The following OSBPL1A variants were observed in gnomAD, a reference collection of about 807,000 sequenced individuals.
The protein encoded by OSBPL1A is oxysterol-binding protein-related protein 1.
In OSBPL1A, 80 loss-of-function variants were observed where a neutral mutation model predicts 137.1. That is an observed-to-expected ratio of 0.58 (90% CI 0.49 to 0.70). OSBPL1A has a LOEUF of 0.70. Among genes scored for constraint, OSBPL1A ranks in the 30% least tolerant of loss-of-function variants. The probability of loss-of-function intolerance (pLI) is 0.00; values close to 1 mark genes in which losing one functional copy is unlikely to be tolerated. For missense variants in OSBPL1A, 970 were observed against 1,129.4 expected, an observed-to-expected ratio of 0.86 and a Z score of 2.02; for synonymous variants, 365 against 389.7, an observed-to-expected ratio of 0.94 and a Z score of 0.75.
rs140057627 is a variant in OSBPL1A, at chr18:24,360,535, A to C, written c.282+6357T>G. ...TTAATTTTAATGTTTCCTACATAAC[A>C]CAATCATGTAACTTCAGCTAAATGT... On this transcript the variant is annotated intron_variant, in intron 4 of 27. Coordinates refer to ENST00000319481, the MANE Select transcript of OSBPL1A (RefSeq NM_080597.4). 2.3e-3 allele frequency among the ~76,000 whole-genome samples: 345 copies of C among 152,356 alleles called. 1 individual carries two copies. The highest frequency in any genetic ancestry group is 8.1e-3 in the African/African-American group (335 of 41,588).
In OSBPL1A at chr18:24,176,929, T is replaced by C. The variant is rs2086464210; in HGVS notation, c.2093+1084A>G. ...CTCTTTGTGGTTTCCCCAACACTCTTAGACACCAGGGGGCGCTTTCTCTCC... is the reference window on the plus strand; with the variant it reads ...CTCTTTGTGGTTTCCCCAACACTCTCAGACACCAGGGGGCGCTTTCTCTCC... On this transcript the variant is annotated intron_variant, in intron 21 of 27. Coordinates refer to ENST00000319481, the MANE Select transcript of OSBPL1A (RefSeq NM_080597.4). Among the ~76,000 whole-genome samples, 7 of 152,322 alleles carry C rather than the reference T, an allele frequency of 4.6e-5. No homozygotes were observed. In the South Asian group the frequency reaches 1.4e-3, roughly 32 times the overall value.
intron 5 of OSBPL1A, among the ~76,000 whole-genome samples, chr18:24,334,637 G>A (rs1313285353): frequency 6.6e-6 from 1 of 152,136 alleles, no homozygotes; most frequent in Non-Finnish European, 1.5e-5. Context: ...TGGAAAGGTA[G>A]GTAAGTGGGG....
intron 4 of OSBPL1A, among the ~76,000 whole-genome samples, chr18:24,350,052 C>A (rs1456780031): frequency 6.6e-6 from 1 of 152,158 alleles, no homozygotes; most frequent in Non-Finnish European, 1.5e-5. Context: ...CATCTGACCC[C>A]GAACATTTTT....
chr18:24,317,243 A>C, intron 10 of OSBPL1A, 31 bp from the exon 11 acceptor site: 1 of 1,612,262 alleles, frequency 6.2e-7, no homozygotes, highest in South Asian at 1.1e-5. Context: ...TATCAAGACA[A>C]AAGGAAAAGA....
intron 7 of OSBPL1A, among the ~76,000 whole-genome samples, chr18:24,322,618 T>A (rs2090887411): frequency 6.6e-6 from 1 of 152,212 alleles, no homozygotes. Context: ...CTGTGTTATT[T>A]TCATTCTACC....
intron 7 of OSBPL1A, among the ~76,000 whole-genome samples, chr18:24,325,455 C>A (rs967640888): frequency 1.3e-5 from 2 of 152,210 alleles, no homozygotes; most frequent in African/African-American, 4.8e-5. Flanking sequence ...TTTCCATTTT[C>A]CTTGAATGCT....
intron 21 of OSBPL1A, among the ~76,000 whole-genome samples, chr18:24,174,512 C>T (rs2145914388): frequency 6.6e-6 from 1 of 152,252 alleles, no homozygotes; most frequent in Non-Finnish European, 1.5e-5. Context: ...AGGTATATTG[C>T]AAATATTACA....
In OSBPL1A at chr18:24,393,489, G is replaced by A. The variant is rs143251358; in HGVS notation, c.-3+4166C>T. 3.6e-3 allele frequency among the ~76,000 whole-genome samples: 548 copies of A among 152,154 alleles called. 2 individuals are homozygous for A. Among genetic ancestry groups the A allele is most frequent in the African/African-American group, 0.013 (534 of 41,516 alleles). On this transcript the variant is annotated intron_variant, in intron 1 of 27. Transcript: ENST00000319481. ...TTTTTTTGAGACGGAGTCTCGCTCT[G>A]TCGCCTAGGCTGGAGTGCAGTGGCA... is the stretch of plus-strand genomic sequence containing the variant.
intron 1 of OSBPL1A, among the ~76,000 whole-genome samples, chr18:24,379,519 C>CAAAAAAAAAAAA (rs1401150889): frequency 1.2e-5 from 1 of 81,690 alleles, no homozygotes. Context: ...GACTTGGTCT[C>CAAAAAAAAAAAA]AAAAAAAAAA....
intron 1 of OSBPL1A, among the ~76,000 whole-genome samples, chr18:24,381,400 A>G (rs1042982999): frequency 5.9e-5 from 9 of 152,204 alleles, no homozygotes; most frequent in African/African-American, 2.2e-4. Flanking sequence ...CGGATTTTAC[A>G]AGGAAGTGCA....
At chr18:24,242,850 T>C (rs1216580892) in intron 15 of OSBPL1A, among the ~76,000 whole-genome samples, 1 of 152,190 alleles carries the variant, frequency 6.6e-6, no homozygotes, top group Non-Finnish European at 1.5e-5. Context: ...TGAAAAATAC[T>C]TGCAAATATT....
At chr18:24,376,010 CAGTG>C (rs1282086713) in intron 2 of OSBPL1A, among the ~76,000 whole-genome samples, 1 of 152,144 alleles carries the variant, frequency 6.6e-6, no homozygotes, top group African/African-American at 2.4e-5. Flanking sequence ...CAGACCTTCG[CAGTG>C]AGTGTTACAG....
At chr18:24,345,508 G>A (rs539875751) in intron 4 of OSBPL1A, among the ~76,000 whole-genome samples, 4 of 152,144 alleles carry the variant, frequency 2.6e-5, no homozygotes, top group African/African-American at 9.6e-5. Context: ...CCAACATGGC[G>A]AAACCCGTCT....
intron 18 of OSBPL1A, among the ~76,000 whole-genome samples, chr18:24,182,611 A>G (rs1391999753): frequency 6.6e-6 from 1 of 152,246 alleles, no homozygotes; most frequent in Non-Finnish European, 1.5e-5. Flanking sequence ...ATCAAAGAAA[A>G]TAAGCTCATT....
intron 27 of OSBPL1A, among the ~76,000 whole-genome samples, chr18:24,164,820 C>T (rs1460845445): frequency 2.0e-5 from 3 of 152,218 alleles, no homozygotes; most frequent in African/African-American, 4.8e-5. Flanking sequence ...CAAAGGGATA[C>T]CTGCATCCCC....
intron 4 of OSBPL1A, among the ~76,000 whole-genome samples, chr18:24,362,370 T>G (rs937727742): frequency 2.6e-5 from 4 of 152,032 alleles, no homozygotes; most frequent in Non-Finnish European, 5.9e-5. Context: ...AAAAGGTTCT[T>G]TTTTCTCAGC....
At chr18:24,386,161 GA>G (rs1315472297) in intron 1 of OSBPL1A, among the ~76,000 whole-genome samples, 1 of 151,516 alleles carries the variant, frequency 6.6e-6, no homozygotes, top group African/African-American at 2.4e-5. Flanking sequence ...TGGTAGGAGA[GA>G]AAAAAAATGG....
At chr18:24,290,528 A>G (rs1436683473) in intron 14 of OSBPL1A, among the ~76,000 whole-genome samples, 1 of 152,088 alleles carries the variant, frequency 6.6e-6, no homozygotes, top group Non-Finnish European at 1.5e-5. Flanking sequence ...TAAAAATACA[A>G]AAGTATTACC....
At chr18:24,299,918 GT>G (rs2090365959) in intron 14 of OSBPL1A, among the ~76,000 whole-genome samples, 2 of 152,212 alleles carry the variant, frequency 1.3e-5, no homozygotes, top group South Asian at 4.1e-4. Flanking sequence ...AGAATCCTGA[GT>G]TACTGTGATC....
Sources: allele counts gnomAD v4.1 joint callset (sites outside exome capture counted in the v4.1 genomes callset), GRCh38; gene constraint gnomAD v4.1.1; transcripts MANE v1.5; gene names NCBI Gene and HGNC (gene_info 2026-07-23, HGNC 2026-07-21).